Variants in ZNF385D observed in about 807,000 individuals in gnomAD.
ZNF385D encodes zinc finger protein 659.
A neutral mutation model predicts 35.8 loss-of-function variants in ZNF385D; 15 were observed. The observed-to-expected ratio is 0.42, with a 90% confidence interval of 0.28 to 0.64. ZNF385D has a LOEUF of 0.64. Among genes scored for constraint, ZNF385D ranks in the 30% least tolerant of loss-of-function variants. ZNF385D has a pLI of 0.23. For synonymous variants in ZNF385D, 212 were observed against 186.8 expected, an observed-to-expected ratio of 1.13 and a Z score of -1.10; for missense variants, 474 against 494.6, an observed-to-expected ratio of 0.96 and a Z score of 0.39.
Position 21,664,996 on chromosome 3 carries a change from G to A in ZNF385D, c.55C>T (p.Leu19Phe). The A allele has an allele frequency of 1.9e-6, 3 of 1,613,170 alleles. No homozygotes were observed. Among genetic ancestry groups the A allele is most frequent in the Non-Finnish European group, 2.5e-6 (3 of 1,179,468 alleles). ...AAAGGAGGGGCTGGTGGACGGACAA[G>A]GGCCGGGAGAGCAGGACTCTGGCAT... Reference protein sequence around the residue: ...GTCQSPALPALVRPPAPPLQP... With the variant: ...GTCQSPALPAFVRPPAPPLQP... The change falls in exon 2 of 8, where the codon CTT (leucine) becomes TTT (phenylalanine). Residue 19 changes from leucine to phenylalanine, a missense_variant. Transcript: ENST00000281523.
At chr3:22,019,479 A>T (rs575242346) in intron 3 of ZNF385D, among the ~76,000 whole-genome samples, 1 of 152,068 alleles carries the variant, frequency 6.6e-6, no homozygotes, top group South Asian at 2.1e-4. Context: ...TTCAGTAAAG[A>T]TACTAATTGA....
At chr3:22,327,468 C>T (rs1694731824) in intron 2 of ZNF385D, among the ~76,000 whole-genome samples, 1 of 152,160 alleles carries the variant, frequency 6.6e-6, no homozygotes. Flanking sequence ...CAGGAAACAT[C>T]AACCACTTCC....
At chr3:21,651,367 T>C (rs2065908910) in intron 2 of ZNF385D, among the ~76,000 whole-genome samples, 1 of 151,676 alleles carries the variant, frequency 6.6e-6, no homozygotes, top group Non-Finnish European at 1.5e-5. Flanking sequence ...CTCATTTATG[T>C]TCTGACTCAG....
intron 4 of ZNF385D, among the ~76,000 whole-genome samples, chr3:21,471,672 T>A (rs1395956459): frequency 2.6e-5 from 4 of 152,150 alleles, no homozygotes; most frequent in African/African-American, 9.7e-5. Context: ...TATTTTTTGT[T>A]ACAGTCAGTT....
At chr3:22,315,559 A>G (rs1271440154) in intron 2 of ZNF385D, among the ~76,000 whole-genome samples, 1 of 152,120 alleles carries the variant, frequency 6.6e-6, no homozygotes, top group African/African-American at 2.4e-5. Flanking sequence ...GGCTGGGGAA[A>G]ACATAAATTC....
intron 3 of ZNF385D, among the ~76,000 whole-genome samples, chr3:21,884,383 C>G (rs1698433811): frequency 6.6e-6 from 1 of 151,962 alleles, no homozygotes; most frequent in Non-Finnish European, 1.5e-5. Context: ...TAATGTCTAT[C>G]TGACATCTAA....
At position 21,786,639 on chromosome 3, in the gene ZNF385D, G is replaced by C. The variant is rs543819083; in HGVS notation, c.326-121611C>G. Among the ~76,000 whole-genome samples, 99 of 152,260 alleles carry C rather than the reference G, an allele frequency of 6.5e-4. 1 individual carries two copies. The highest frequency in any genetic ancestry group is 2.3e-3 in the African/African-American group (96 of 41,546). ...CCCATTGTGCAAAAACTGTGATCTG[G>C]AACAGTACAGCATTAGTGGTGACAG... is the stretch of plus-strand genomic sequence containing the variant. On this transcript the variant is annotated intron_variant, in intron 3 of 5. Transcript: ENST00000494108.
chr3:22,085,472 C>G (rs1700981349), intron 3 of ZNF385D, among the ~76,000 whole-genome samples: 1 of 152,128 alleles, frequency 6.6e-6, no homozygotes, highest in African/African-American at 2.4e-5. Context: ...ACTAGAAAAT[C>G]TAGAAGAAAT....
chr3:21,693,931 T>C (rs7617499), intron 1 of ZNF385D, among the ~76,000 whole-genome samples: 3 of 146,362 alleles, frequency 2.0e-5, no homozygotes, highest in South Asian at 2.2e-4. Context: ...CAGGCTGGAG[T>C]GCAGTTGCGC....
intron 3 of ZNF385D, among the ~76,000 whole-genome samples, chr3:21,549,048 G>C (rs2062479151): frequency 6.6e-6 from 1 of 152,164 alleles, no homozygotes; most frequent in Non-Finnish European, 1.5e-5. Flanking sequence ...GGTTATGAAT[G>C]TATCTACTGG....
chr3:22,082,067 T>A (rs1451172561), intron 3 of ZNF385D, among the ~76,000 whole-genome samples: 2 of 151,596 alleles, frequency 1.3e-5, no homozygotes. Flanking sequence ...ACTGCAGTGT[T>A]AAGAATTTTC....
intron 2 of ZNF385D, among the ~76,000 whole-genome samples, chr3:21,609,737 A>G (rs1054305837): frequency 6.6e-6 from 1 of 152,176 alleles, no homozygotes; most frequent in African/African-American, 2.4e-5. Context: ...CTTTTCAGGA[A>G]GCTGAAAGAG....
At chr3:21,744,410 A>C (rs553601256) in intron 1 of ZNF385D, among the ~76,000 whole-genome samples, 2 of 152,330 alleles carry the variant, frequency 1.3e-5, no homozygotes, top group East Asian at 3.9e-4. Flanking sequence ...GTGAAGAGCA[A>C]CTTTACTAAA....
chr3:21,556,966 C>T (rs1049746244), intron 3 of ZNF385D, among the ~76,000 whole-genome samples: 1 of 151,896 alleles, frequency 6.6e-6, no homozygotes, highest in Non-Finnish European at 1.5e-5. Context: ...TGATTTGGCC[C>T]TCTGTCTGTT....
intron 3 of ZNF385D, among the ~76,000 whole-genome samples, chr3:21,991,053 T>A (rs1050168143): frequency 6.6e-6 from 1 of 152,220 alleles, no homozygotes; most frequent in East Asian, 1.9e-4. Context: ...CTATTTAAAA[T>A]GTAAAATTCC....
chr3:21,770,565 C>T (rs189114438), intron 3 of ZNF385D, among the ~76,000 whole-genome samples: 12 of 152,084 alleles, frequency 7.9e-5, no homozygotes, highest in South Asian at 4.2e-4. Flanking sequence ...GTTAGAATGG[C>T]GATCATTAAA....
intron 2 of ZNF385D, among the ~76,000 whole-genome samples, chr3:22,339,139 C>T (rs1220302662): frequency 4.6e-5 from 7 of 152,080 alleles, no homozygotes; most frequent in Non-Finnish European, 7.4e-5. Flanking sequence ...TGCTCCTGTA[C>T]GCTGCCTTGC....
intron 2 of ZNF385D, among the ~76,000 whole-genome samples, chr3:21,596,005 C>A (rs2064119056): frequency 6.6e-6 from 1 of 152,144 alleles, no homozygotes; most frequent in Non-Finnish European, 1.5e-5. Flanking sequence ...AGTATCAATG[C>A]AATTTCACAA....
At chr3:21,667,206 G>A (rs774022344) in intron 1 of ZNF385D, among the ~76,000 whole-genome samples, 1 of 152,206 alleles carries the variant, frequency 6.6e-6, no homozygotes, top group Non-Finnish European at 1.5e-5. Context: ...TTGTTTCCCA[G>A]GCTGGAGTGC....
Sources: gnomAD v4.1 joint callset for allele counts (sites outside exome capture counted in the v4.1 genomes callset) on GRCh38, gnomAD v4.1.1 for gene constraint, MANE v1.5 for transcripts, NCBI Gene and HGNC (gene_info 2026-07-23, HGNC 2026-07-21) for gene names.